CSRP3: variants seen among roughly 807,000 people sequenced by gnomAD.
The protein encoded by CSRP3 is cysteine and glycine rich protein 3.
Under a neutral mutation model 24.3 loss-of-function variants are expected in CSRP3, and 24 were observed. That is an observed-to-expected ratio of 0.99 (90% CI 0.71 to 1.39). CSRP3 has a LOEUF of 1.39. Among genes scored for constraint, CSRP3 ranks in the 40% most tolerant of loss-of-function variants. CSRP3 has a pLI of 0.00. For missense variants in CSRP3, 240 were observed against 249.0 expected, an observed-to-expected ratio of 0.96 and a Z score of 0.24; for synonymous variants, 105 against 94.0, an observed-to-expected ratio of 1.12 and a Z score of -0.68.
At chr11:19,191,009 A>G (rs1182774325) in intron 2 of CSRP3, among the ~76,000 whole-genome samples, 1 of 152,230 alleles carries the variant, frequency 6.6e-6, no homozygotes, top group African/African-American at 2.4e-5. Flanking sequence ...TCCTGTTCCC[A>G]CGCAGTTACC....
chr11:19,192,625 G>A, intron 1 of CSRP3, 149 bp from the exon 2 acceptor site: 2 of 671,512 alleles, frequency 3.0e-6, no homozygotes, highest in South Asian at 3.2e-5. Context: ...GCTACTGTGT[G>A]CTAGTCATTA....
chr11:19,192,027 A>G (rs1850624025), intron 2 of CSRP3, among the ~76,000 whole-genome samples: 1 of 152,156 alleles, frequency 6.6e-6, no homozygotes, highest in Non-Finnish European at 1.5e-5. Context: ...CATGTTGTCA[A>G]TGTCGCCATG....
chr11:19,186,249 G>T lies in CSRP3; in HGVS notation c.381C>A (p.Val127=), dbSNP rs2133508364. Residue 127 remains valine (V), a synonymous_variant, in exon 4 of 6, where the codon GTC becomes GTA. Transcript: ENST00000265968. ...CTCCCATAACCTTCTCAGCAGCATA[G>T]ACTGACTTGCCACATCGAGGGCACT... ...SEKCPRCGKS[V]YAAEKVMGGG... 6.2e-7 allele frequency: 1 copy of T among 1,614,212 alleles called. No homozygotes were observed.
intron 1 of CSRP3, among the ~76,000 whole-genome samples, chr11:19,196,133 T>G (rs377186580): frequency 2.0e-5 from 3 of 152,094 alleles, no homozygotes; most frequent in Admixed American, 6.5e-5. Context: ...CGTGGTGGCA[T>G]GCACCTGTAG....
At chr11:19,183,509 A>G (rs1267512468) in intron 5 of CSRP3, among the ~76,000 whole-genome samples, 1 of 152,180 alleles carries the variant, frequency 6.6e-6, no homozygotes, top group Non-Finnish European at 1.5e-5. Flanking sequence ...TCTTGTGAGA[A>G]GCTTTCCCCA....
At chr11:19,183,104 G>T (rs1174674599) in intron 5 of CSRP3, among the ~76,000 whole-genome samples, 1 of 152,122 alleles carries the variant, frequency 6.6e-6, no homozygotes, top group Non-Finnish European at 1.5e-5. Context: ...GTTGCAGTGA[G>T]CCAAGATCAC....
intron 1 of CSRP3, among the ~76,000 whole-genome samples, chr11:19,195,950 CA>C (rs1850694812): frequency 2.0e-5 from 3 of 152,056 alleles, no homozygotes; most frequent in African/African-American, 7.3e-5. Context: ...TCTCACAGGC[CA>C]AAAGGTAGAG....
intron 1 of CSRP3, among the ~76,000 whole-genome samples, chr11:19,197,500 CCTCTTTCTTTCTTTCTTTCTTT>C: frequency 1.0e-5 from 1 of 99,176 alleles, no homozygotes; most frequent in South Asian, 3.5e-4. Context: ...TCCCTCTTTT[CCTCTTTCTTTCTTTCTTTCTTT>C]CTTTCTTTCT....
chr11:19,186,266 G>A lies in CSRP3; in HGVS notation c.364C>T (p.Arg122Ter), dbSNP rs902082118. The A allele has an allele frequency of 6.2e-6, 10 of 1,614,142 alleles. No individual in the cohort carries two copies. The highest frequency in any genetic ancestry group is 5.3e-5 in the African/African-American group (4 of 75,024). Reference sequence around the variant, plus strand: ...GCAGCATAGACTGACTTGCCACATCGAGGGCACTTCTCGGACTCTCCAAAC... The same window carrying A: ...GCAGCATAGACTGACTTGCCACATCAAGGGCACTTCTCGGACTCTCCAAAC... ...AKFGESEKCP[R>*]CGKSVYAAEK... The change falls in exon 4 of 6, where the codon CGA becomes TGA. Residue 122 changes from arginine to a stop codon, truncating the protein, a stop_gained. Coordinates refer to ENST00000265968, the MANE Select transcript of CSRP3 (RefSeq NM_003476.5). LOFTEE classifies it high-confidence loss of function.
intron 5 of CSRP3, 65 bp downstream of exon 5, chr11:19,184,887 A>G (rs1336434655): frequency 3.3e-6 from 4 of 1,212,412 alleles, no homozygotes; most frequent in Middle Eastern, 1.9e-4. Context: ...GCATGAACGT[A>G]ATTTCCTCTC....
chr11:19,189,578 C>T (rs912783754), intron 2 of CSRP3, among the ~76,000 whole-genome samples: 1 of 152,078 alleles, frequency 6.6e-6, no homozygotes, highest in African/African-American at 2.4e-5. Context: ...GGCTAATATG[C>T]CTTCTTCAAA....
intron 1 of CSRP3, among the ~76,000 whole-genome samples, chr11:19,198,355 T>G (rs1850777346): frequency 6.6e-6 from 1 of 152,240 alleles, no homozygotes; most frequent in Non-Finnish European, 1.5e-5. Context: ...AATTGAGACG[T>G]GACCAATCCA....
In CSRP3 at chr11:19,201,245, A is replaced by C. The variant is rs113647235; in HGVS notation, c.-29+709T>G. Among the ~76,000 whole-genome samples the C allele has an allele frequency of 7.2e-4, 109 of 152,376 alleles. 1 individual carries two copies. The highest frequency in any genetic ancestry group is 2.6e-3 in the African/African-American group (107 of 41,592). On this transcript the variant is annotated intron_variant, in intron 1 of 5. Coordinates refer to ENST00000265968, the MANE Select transcript of CSRP3 (RefSeq NM_003476.5). ...TAGAGCTTTTAATATATTTCAACATAGCAATGTCTTTTTGGGGTCCAGTTT... is the reference window on the plus strand; with the variant it reads ...TAGAGCTTTTAATATATTTCAACATCGCAATGTCTTTTTGGGGTCCAGTTT...
intron 1 of CSRP3, among the ~76,000 whole-genome samples, chr11:19,198,939 A>G (rs181736995): frequency 1.6e-4 from 25 of 152,348 alleles, no homozygotes; most frequent in African/African-American, 5.5e-4. Context: ...GGAATTGAAT[A>G]ATTGTAGTTA....
intron 4 of CSRP3, 38 bp downstream of exon 4, chr11:19,186,178 A>T: frequency 6.2e-7 from 1 of 1,613,976 alleles, no homozygotes; most frequent in African/African-American, 1.3e-5. Context: ...CCTGGTGGAG[A>T]TGAGCAAATT....
At chr11:19,185,750 G>A (rs529771990) in intron 4 of CSRP3, among the ~76,000 whole-genome samples, 58 of 152,324 alleles carry the variant, frequency 3.8e-4, no homozygotes, top group African/African-American at 1.4e-3. Flanking sequence ...GAGCACATAT[G>A]CATGAGTGTC....
chr11:19,182,040 T>C lies in CSRP3; in HGVS notation c.*630A>G, dbSNP rs1268210645. The C allele has an allele frequency of 6.5e-6, 1 of 152,712 alleles. No individual in the cohort carries two copies. Among genetic ancestry groups the C allele is most frequent in the Non-Finnish European group, 1.5e-5 (1 of 68,370 alleles). 9.5% of individuals were successfully genotyped at this position (152,712 alleles called of 1,614,324 possible). On this transcript the variant is annotated 3_prime_UTR_variant, in exon 6 of 6. Coordinates refer to ENST00000265968, the MANE Select transcript of CSRP3 (RefSeq NM_003476.5). ...AAAATCATCCTCATGTCATTTATAA[T>C]ACAGAGGCAAATGCCACGCTTTATT...
At chr11:19,195,569 T>A (rs1428431833) in intron 1 of CSRP3, among the ~76,000 whole-genome samples, 1 of 152,238 alleles carries the variant, frequency 6.6e-6, no homozygotes, top group Non-Finnish European at 1.5e-5. Context: ...ATAGAAATTT[T>A]CAATGAAAAC....
rs756368977 is a variant in CSRP3 at position 19,192,407 on chromosome 11, T to C, written c.42A>G (p.Glu14=). 1.2e-6 allele frequency: 2 copies of C among 1,614,222 alleles called. No homozygotes were observed. Among genetic ancestry groups the C allele is most frequent in the Non-Finnish European group, 1.7e-6 (2 of 1,180,032 alleles). The change falls in exon 2 of 6, where the codon GAA becomes GAG. Residue 14 remains glutamate, a synonymous_variant. Coordinates refer to ENST00000265968, the MANE Select transcript of CSRP3 (RefSeq NM_003476.5). The part of the protein sequence containing the change: ...WGGGAKCGAC[E]KTVYHAEEIQ... ...TTTCTTCTGCATGGTAGACGGTCTTTTCACAGGCTCCACATTTTGCGCCTC... is the reference window on the plus strand; with the variant it reads ...TTTCTTCTGCATGGTAGACGGTCTTCTCACAGGCTCCACATTTTGCGCCTC...
Sources: allele counts gnomAD v4.1 joint callset (sites outside exome capture counted in the v4.1 genomes callset), GRCh38; gene constraint gnomAD v4.1.1; transcripts MANE v1.5; gene names NCBI Gene and HGNC (gene_info 2026-07-23, HGNC 2026-07-21).